Variants in SELP observed in about 807,000 individuals in gnomAD.
SELP encodes the protein P-selectin.
SELP carries 92 observed loss-of-function variants against 104.1 expected under a neutral mutation model. The ratio of observed to expected loss-of-function variants is 0.88; its 90% CI spans 0.75 to 1.05. The LOEUF is 1.05. Among genes scored for constraint, SELP ranks in the 50% least tolerant of loss-of-function variants. SELP has a pLI of 0.00. For missense variants in SELP, 1,022 were observed against 1,017.3 expected, an observed-to-expected ratio of 1.00 and a Z score of -0.06; for synonymous variants, 397 against 364.5, an observed-to-expected ratio of 1.09 and a Z score of -1.01.
At chr1:169,593,771 G>T in intron 13 of SELP, 47 bp from the exon 14 acceptor site, 5 of 1,599,828 alleles carry the variant, frequency 3.1e-6, no homozygotes, top group Non-Finnish European at 4.3e-6. Flanking sequence ...AGTGTATTAT[G>T]CAAAAGACTA....
intron 2 of SELP, 144 bp downstream of exon 2, chr1:169,618,985 G>C (rs970911199): frequency 3.3e-6 from 2 of 612,784 alleles, no homozygotes; most frequent in East Asian, 2.8e-5. Context: ...ATGGCGTTGG[G>C]TACATTTGTC....
At chr1:169,594,970 G>A in intron 12 of SELP, 93 bp from the exon 13 acceptor site, 3 of 1,145,384 alleles carry the variant, frequency 2.6e-6, no homozygotes, top group Non-Finnish European at 3.7e-6. Flanking sequence ...GCCAATAAAT[G>A]AGGCAGAATG....
chr1:169,591,393 A>C (rs1571615791), intron 15 of SELP, 33 bp downstream of exon 15: 1 of 1,505,480 alleles, frequency 6.6e-7, no homozygotes, highest in Admixed American at 2.0e-5. Context: ...AAGGTAGCAA[A>C]ATTTACTCAA....
intron 9 of SELP, 157 bp downstream of exon 9, chr1:169,606,792 A>G: frequency 1.5e-6 from 1 of 675,224 alleles, no homozygotes; most frequent in South Asian, 2.1e-5. Flanking sequence ...TGCATTTGGG[A>G]TCCTTGGGTT....
rs372272607 is a variant in SELP at position 169,596,098 on chromosome 1, G to A, written c.1928C>T (p.Pro643Leu). 1.1e-5 allele frequency: 17 copies of A among 1,613,678 alleles called. No homozygotes were observed. The highest frequency in any genetic ancestry group is 1.7e-5 in the Admixed American group (1 of 59,978). Reference sequence around the variant, plus strand: ...TCCCTGCCCAGGAGTGGTGAGGGCTGGACATTGCACCCCTGGAGTAGGAAG... The same window carrying A: ...TCCCTGCCCAGGAGTGGTGAGGGCTAGACATTGCACCCCTGGAGTAGGAAG... ...ASLPTPGVQC[P>L]ALTTPGQGTM... is the part of the protein sequence containing the mutation. The change falls in exon 12 of 17, where the codon CCA becomes CTA. Residue 643 changes from proline to leucine, a missense_variant. By Grantham distance (98) the Pro-to-Leu change is moderately conservative. Coordinates refer to ENST00000263686, the MANE Select transcript of SELP (RefSeq NM_003005.4).
Position 169,603,166 on chromosome 1 carries a change from G to A in SELP, c.1565C>T (p.Thr522Ile). 1.9e-6 allele frequency: 3 copies of A among 1,614,006 alleles called. No individual in the cohort carries two copies. Among genetic ancestry groups the A allele is most frequent in the Non-Finnish European group, 2.5e-6 (3 of 1,179,936 alleles). The change falls in exon 10 of 17, where the codon ACC becomes ATC. Residue 522 changes from threonine to isoleucine, a missense_variant. By Grantham distance (89) the Thr-to-Ile change is moderately conservative (BLOSUM62 -1). Transcript: ENST00000263686. ...PLLSPQNGTM[T>I]CVQPLGSSSY... ...GGAACTTCCAAGAGGTTGAACACAG[G>A]TCATTGTTCCATTCTGAGGGCTTAG...
chr1:169,611,863 C>A (rs570772076), intron 6 of SELP, among the ~76,000 whole-genome samples, 186 bp from the exon 7 acceptor site: 9 of 152,188 alleles, frequency 5.9e-5, no homozygotes, highest in Admixed American at 1.3e-4. Flanking sequence ...CTGTTAAAAA[C>A]AAAGATTCCT....
At position 169,617,431 on chromosome 1, in the gene SELP, T is replaced by C. The variant is rs3917704; in HGVS notation, c.95-17A>G. The C allele has an allele frequency of 6.2e-7, 1 of 1,610,282 alleles. No homozygotes were observed. Among genetic ancestry groups the C allele is most frequent in the East Asian group, 2.2e-5 (1 of 44,844 alleles). On this transcript the variant is annotated splice_polypyrimidine_tract_variant and intron_variant, in intron 2 of 16. Transcript: ENST00000263686. ...TTGTTAGTTCTAGAGTAAAGGAGAGTGAGTGCCAGGTTAGTACCCCTCACC... is the reference window on the plus strand; with the variant it reads ...TTGTTAGTTCTAGAGTAAAGGAGAGCGAGTGCCAGGTTAGTACCCCTCACC...
At chr1:169,600,327 G>T (rs1335813056) in intron 10 of SELP, among the ~76,000 whole-genome samples, 6 of 152,256 alleles carry the variant, frequency 3.9e-5, no homozygotes, top group Admixed American at 1.3e-4. Flanking sequence ...TGTAGGCTTT[G>T]CATTAGGTAT....
At chr1:169,616,581 G>A (rs1662822420) in intron 3 of SELP, among the ~76,000 whole-genome samples, 1 of 152,138 alleles carries the variant, frequency 6.6e-6, no homozygotes, top group South Asian at 2.1e-4. Context: ...CTGACATTCA[G>A]TAGCTATTAG....
intron 9 of SELP, among the ~76,000 whole-genome samples, chr1:169,604,832 C>T (rs960938919): frequency 2.6e-5 from 4 of 152,072 alleles, no homozygotes; most frequent in African/African-American, 9.7e-5. Flanking sequence ...TGCCTTCTGA[C>T]AGCAGGGGTA....
intron 4 of SELP, 141 bp from the exon 5 acceptor site, chr1:169,613,255 G>A: frequency 2.6e-6 from 2 of 782,666 alleles, no homozygotes; most frequent in East Asian, 2.7e-5. Context: ...ATCTCTACTT[G>A]GTCTCTTTGT....
chr1:169,629,280 C>A (rs1663522689), intron 1 of SELP, among the ~76,000 whole-genome samples: 1 of 152,192 alleles, frequency 6.6e-6, no homozygotes, highest in Admixed American at 6.5e-5. Context: ...TTCAAAATGC[C>A]TAGCTATCCT....
chr1:169,613,187 TA>T, intron 4 of SELP, 73 bp from the exon 5 acceptor site: 1 of 1,374,914 alleles, frequency 7.3e-7, no homozygotes, highest in South Asian at 1.5e-5. Context: ...CTGAAAGCTG[TA>T]ACTATTTGTG....
At chr1:169,612,452 C>T (rs1463381718) in intron 5 of SELP, 50 bp from the exon 6 acceptor site, 1 of 1,588,868 alleles carries the variant, frequency 6.3e-7, no homozygotes, top group East Asian at 2.2e-5. Context: ...AAATTTTGTC[C>T]ATCACCTTGG....
Position 169,613,079 on chromosome 1 carries a change from C to T in SELP, c.625G>A (p.Val209Met), listed in dbSNP as rs6125. The T allele has an allele frequency of 0.055, 88,636 of 1,611,844 alleles. 2,919 individuals are homozygous for T. The highest frequency in any genetic ancestry group is 0.11 in the South Asian group (9,914 of 90,820). ...AGAGGGTGGCTGCAGTTCATGAGCA[C>T]GTGTTGAGGGAGCTCAAGTTCTCCA... The part of the protein sequence containing the change: ...ECGELELPQH[V>M]LMNCSHPLGN... The change falls in exon 5 of 17, where the codon GTG becomes ATG. Residue 209 changes from valine (V) to methionine (M), a missense_variant. Val to Met is a conservative substitution (Grantham distance 21, BLOSUM62 1). Coordinates refer to ENST00000263686, the MANE Select transcript of SELP (RefSeq NM_003005.4).
intron 5 of SELP, 149 bp downstream of exon 5, chr1:169,612,780 T>C: frequency 1.6e-6 from 1 of 618,864 alleles, no homozygotes; most frequent in Non-Finnish European, 2.6e-6. Flanking sequence ...AATGTTACTC[T>C]GGTTGACAGT....
intron 1 of SELP, among the ~76,000 whole-genome samples, chr1:169,628,885 T>C: frequency 6.6e-6 from 1 of 151,752 alleles, no homozygotes; most frequent in East Asian, 1.9e-4. Context: ...TCCTTCCTCT[T>C]CTCTTTATCA....
At position 169,603,323 on chromosome 1, in the gene SELP, G is replaced by C. The variant is rs1464782246; in HGVS notation, c.1520-112C>G. ...TCTCTCTCTCTGTGTGTGTGTGTGT[G>C]TGTGTGTGTGTGTGTGTGTGTGTGT... On this transcript the variant is annotated intron_variant, in intron 9 of 16. Coordinates refer to ENST00000263686, the MANE Select transcript of SELP (RefSeq NM_003005.4). 2,294 of 661,948 alleles carry C rather than the reference G, an allele frequency of 3.5e-3. 58 individuals carry two copies. The highest frequency in any genetic ancestry group is 0.021 in the African/African-American group (1,172 of 54,822). 41.0% of individuals were successfully genotyped at this position (661,948 alleles called of 1,614,324 possible). A position where few individuals can be genotyped will look rare whatever the true frequency, so the allele number is the denominator to read the frequency against.
Sources: gnomAD v4.1 joint callset for allele counts (sites outside exome capture counted in the v4.1 genomes callset) on GRCh38, gnomAD v4.1.1 for gene constraint, MANE v1.5 for transcripts, NCBI Gene and HGNC (gene_info 2026-07-23, HGNC 2026-07-21) for gene names.